KDM4B: variants seen among roughly 807,000 people sequenced by gnomAD.
KDM4B encodes the protein lysine-specific demethylase 4B.
In KDM4B, 32 loss-of-function variants were observed where a neutral mutation model predicts 125.2. That is an observed-to-expected ratio of 0.26 (90% confidence interval 0.19 to 0.34). KDM4B has a LOEUF of 0.34. Ranked by LOEUF, KDM4B falls within the 10% of genes least tolerant of loss-of-function variation. The pLI is 1.00. For missense variants in KDM4B, 1,190 were observed against 1,577.7 expected, an observed-to-expected ratio of 0.75 and a Z score of 4.16; for synonymous variants, 721 against 677.9, an observed-to-expected ratio of 1.06 and a Z score of -0.99.
chr19:5,072,114 G>A (rs1396599465), intron 7 of KDM4B, among the ~76,000 whole-genome samples: 1 of 152,182 alleles, frequency 6.6e-6, no homozygotes, highest in East Asian at 1.9e-4. Flanking sequence ...ACAGGCTCCC[G>A]GGACTGCCTG....
At chr19:5,033,748 T>TTC (rs142326261) in intron 3 of KDM4B, among the ~76,000 whole-genome samples, 1,931 of 151,452 alleles carry the variant, frequency 0.013, 38 homozygotes, top group African/African-American at 0.044. Context: ...TTATTGGTTC[T>TTC]TCTCTCTCTC....
At chr19:5,117,501 C>A (rs1203164439) in intron 10 of KDM4B, among the ~76,000 whole-genome samples, 2 of 152,118 alleles carry the variant, frequency 1.3e-5, no homozygotes, top group Non-Finnish European at 2.9e-5. Flanking sequence ...GGAGGGCAGC[C>A]CACCTTGGGA....
intron 2 of KDM4B, among the ~76,000 whole-genome samples, chr19:5,029,198 A>G (rs1284710601): frequency 6.6e-6 from 1 of 152,214 alleles, no homozygotes; most frequent in Non-Finnish European, 1.5e-5. Context: ...GGCATGAGCC[A>G]CCGCGCCCAC....
chr19:5,096,333 C>T (rs2145933899), intron 9 of KDM4B, among the ~76,000 whole-genome samples: 1 of 152,298 alleles, frequency 6.6e-6, no homozygotes, highest in South Asian at 2.1e-4. Context: ...GATCCACCCG[C>T]CTTGGCCTCC....
At position 4,971,724 on chromosome 19, in the gene KDM4B, G is replaced by C. The variant is rs188858108; in HGVS notation, c.-109+2494G>C. ...TGGTGGTGTGCAGTCCGCTGCCCTC[G>C]GGCCCAGCTCAGGGAGCAGGCAGGA... is the stretch of plus-strand genomic sequence containing the variant. On this transcript the variant is annotated intron_variant, in intron 1 of 22. Coordinates refer to ENST00000159111, the MANE Select transcript of KDM4B (RefSeq NM_015015.3). This position sits in a 1 kb window ranked among gnomAD's most constrained non-coding sequence, Gnocchi z 4.1. Among the ~76,000 whole-genome samples, 128 of 152,290 alleles carry C rather than the reference G, an allele frequency of 8.4e-4. No homozygotes were observed. Among genetic ancestry groups the C allele is most frequent in the Non-Finnish European group, 1.6e-3 (106 of 68,030 alleles).
At position 5,114,125 on chromosome 19, in the gene KDM4B, G is replaced by A; in HGVS notation, c.1115+3307G>A. 7.8e-7 allele frequency: 1 copy of A among 1,289,378 alleles called. No homozygotes were observed. The allele number at this position is 1,289,378 out of a possible 1,614,324, so 79.9% of individuals were successfully genotyped here. Reference sequence around the variant, plus strand: ...CGCTGTGCGTTCTGGTGCCCTGCCTGAGCCGGAGCCCTCACAGTGCTCTCT... The same window carrying A: ...CGCTGTGCGTTCTGGTGCCCTGCCTAAGCCGGAGCCCTCACAGTGCTCTCT... On this transcript the variant is annotated intron_variant, in intron 10 of 22. Coordinates refer to ENST00000159111, the MANE Select transcript of KDM4B (RefSeq NM_015015.3). The surrounding 1 kb of genome is among the most constrained non-coding windows in gnomAD (Gnocchi z 5.8).
At chr19:5,048,377 C>T (rs999036246) in intron 6 of KDM4B, among the ~76,000 whole-genome samples, 4 of 152,218 alleles carry the variant, frequency 2.6e-5, no homozygotes, top group Admixed American at 6.5e-5. Context: ...CCTGTGTCAC[C>T]GGGCTCTGCT....
chr19:5,031,366 G>A (rs942962464), intron 2 of KDM4B, among the ~76,000 whole-genome samples: 2 of 152,250 alleles, frequency 1.3e-5, no homozygotes, highest in African/African-American at 4.8e-5. Flanking sequence ...TGACCGTCTA[G>A]TCTACATTTC....
chr19:5,065,767 A>G (rs2037749481), intron 6 of KDM4B, among the ~76,000 whole-genome samples: 1 of 152,162 alleles, frequency 6.6e-6, no homozygotes, highest in Non-Finnish European at 1.5e-5. Context: ...CCCGCCATCC[A>G]TCCCCTCCTC....
chr19:5,137,527 C>T (rs1398873079), intron 16 of KDM4B, 94 bp from the exon 17 acceptor site: 12 of 1,344,266 alleles, frequency 8.9e-6, no homozygotes, highest in Admixed American at 4.0e-5. Flanking sequence ...ATATAAGGGC[C>T]GTGGGCTGGG....
chr19:5,123,801 C>T (rs2146031602), intron 11 of KDM4B, among the ~76,000 whole-genome samples: 1 of 152,334 alleles, frequency 6.6e-6, no homozygotes, highest in East Asian at 1.9e-4. Flanking sequence ...GCCAGGCCTC[C>T]TGTTTTCTGA....
At chr19:5,123,889 A>C (rs1312125090) in intron 11 of KDM4B, among the ~76,000 whole-genome samples, 2 of 151,196 alleles carry the variant, frequency 1.3e-5, no homozygotes, top group Non-Finnish European at 2.9e-5. Context: ...GGCGCAGTTC[A>C]GGTTCTATTC....
intron 9 of KDM4B, among the ~76,000 whole-genome samples, chr19:5,095,180 C>T (rs1271891092): frequency 1.3e-5 from 2 of 152,208 alleles, no homozygotes; most frequent in East Asian, 1.9e-4. Flanking sequence ...GTAGAACCGC[C>T]CGCTGGTGGC....
At chr19:5,107,259 C>T (rs1054438738) in intron 9 of KDM4B, among the ~76,000 whole-genome samples, 10 of 152,378 alleles carry the variant, frequency 6.6e-5, no homozygotes, top group East Asian at 1.9e-4. Flanking sequence ...CTTTGGGGGC[C>T]GCGCAGACCT....
intron 2 of KDM4B, among the ~76,000 whole-genome samples, chr19:5,030,311 G>C (rs1370394617): frequency 2.0e-5 from 3 of 152,166 alleles, no homozygotes; most frequent in Non-Finnish European, 2.9e-5. Flanking sequence ...GGCATCCCTT[G>C]GGCCGTCCAG....
intron 6 of KDM4B, among the ~76,000 whole-genome samples, chr19:5,063,685 C>T (rs1227083091): frequency 6.6e-6 from 1 of 152,200 alleles, no homozygotes; most frequent in Non-Finnish European, 1.5e-5. Context: ...GTCCTTGTGT[C>T]CCCAGTGCGG....
At chr19:4,999,256 C>T (rs191293742) in intron 1 of KDM4B, among the ~76,000 whole-genome samples, 1 of 152,276 alleles carries the variant, frequency 6.6e-6, no homozygotes, top group East Asian at 1.9e-4. Context: ...TAATCCACTG[C>T]CATCACGATT....
At chr19:5,110,844 G>T in intron 10 of KDM4B, 26 bp downstream of exon 10, 2 of 1,526,764 alleles carry the variant, frequency 1.3e-6, no homozygotes, top group South Asian at 1.2e-5. Flanking sequence ...ACTGCCGCGT[G>T]ACTGCCCAGC....
chr19:5,001,716 G>T (rs1004460376), intron 1 of KDM4B, among the ~76,000 whole-genome samples: 12 of 152,182 alleles, frequency 7.9e-5, no homozygotes, highest in Non-Finnish European at 1.8e-4. Flanking sequence ...TGGTTCCCCT[G>T]CCTCGCCAGC....
Sources: allele counts gnomAD v4.1 joint callset (sites outside exome capture counted in the v4.1 genomes callset), GRCh38; gene constraint gnomAD v4.1.1; non-coding constraint Gnocchi (gnomAD v3.1); transcripts MANE v1.5; gene names NCBI Gene and HGNC (gene_info 2026-07-23, HGNC 2026-07-21).